The following TRPC1 variants were observed in gnomAD, a reference collection of about 807,000 sequenced individuals.
TRPC1 encodes the protein transient receptor potential cation channel subfamily C member 1, also known as short transient receptor potential channel 1.
A neutral mutation model predicts 88.2 loss-of-function variants in TRPC1; 42 were observed. The ratio of observed to expected loss-of-function variants is 0.48; its 90% confidence interval spans 0.37 to 0.62. TRPC1 has a LOEUF of 0.62. TRPC1 is among the 20% of genes least tolerant of loss of function. The pLI is 0.00. For synonymous variants in TRPC1, 288 were observed against 331.8 expected (o/e 0.87, Z 1.43); for missense variants, 699 against 957.3 (o/e 0.73, Z 3.56).
chr3:142,737,452 T>C (rs1167280327), intron 2 of TRPC1, among the ~76,000 whole-genome samples: 3 of 151,886 alleles, frequency 2.0e-5, no homozygotes, highest in South Asian at 2.1e-4. Context: ...CAGACCACAA[T>C]TGAGAAGCAG....
In TRPC1 at chr3:142,743,558, C is replaced by G. The variant is rs1394139257; in HGVS notation, c.401C>G (p.Pro134Arg). 1 of 1,524,376 alleles carries G rather than the reference C, an allele frequency of 6.6e-7. No homozygotes were observed. Among genetic ancestry groups the G allele is most frequent in the Non-Finnish European group, 8.8e-7 (1 of 1,142,040 alleles). 94.4% of individuals were successfully genotyped at this position (1,524,376 alleles called of 1,614,324 possible). Residue 134 changes from proline to arginine, a missense_variant, in exon 3 of 13, where the codon CCA becomes CGA. Physicochemically the swap from Pro to Arg is moderately radical, Grantham distance 103. This residue lies in a region of TRPC1 where 426 missense variants were observed against 641.3 expected (regional missense o/e 0.66). Coordinates refer to ENST00000476941, the MANE Select transcript of TRPC1 (RefSeq NM_001251845.2). Reference sequence around the variant, plus strand: ...GTTGATATACTACTTAATCATCGACCAAAACGATCATCAAGACCAACTATA... The same window carrying G: ...GTTGATATACTACTTAATCATCGACGAAAACGATCATCAAGACCAACTATA... ...GAVDILLNHR[P>R]KRSSRPTIVK...
At chr3:142,743,198 C>A (rs1436445139) in intron 2 of TRPC1, among the ~76,000 whole-genome samples, 3 of 151,980 alleles carry the variant, frequency 2.0e-5, no homozygotes, top group African/African-American at 7.2e-5. Flanking sequence ...AACTTTAAAT[C>A]CTGCATGGAT....
At chr3:142,802,960 G>C (rs1299997606) in intron 10 of TRPC1, among the ~76,000 whole-genome samples, 1 of 152,138 alleles carries the variant, frequency 6.6e-6, no homozygotes, top group Non-Finnish European at 1.5e-5. Context: ...CTTATGTAAA[G>C]AATAAGATTA....
At chr3:142,791,209 A>T in intron 8 of TRPC1, 51 bp downstream of exon 8, 1 of 1,504,200 alleles carries the variant, frequency 6.6e-7, no homozygotes, top group Non-Finnish European at 9.0e-7. Context: ...TATTTTGGAA[A>T]TAGCTAAGAT....
At chr3:142,765,062 A>G (rs1296232174) in intron 4 of TRPC1, among the ~76,000 whole-genome samples, 4 of 152,166 alleles carry the variant, frequency 2.6e-5, no homozygotes, top group African/African-American at 9.7e-5. Context: ...ATGCAGTCCC[A>G]TTTACAATAG....
At chr3:142,780,337 A>T (rs1353666157) in intron 5 of TRPC1, among the ~76,000 whole-genome samples, 1 of 152,220 alleles carries the variant, frequency 6.6e-6, no homozygotes, top group Non-Finnish European at 1.5e-5. Context: ...GAGCACTTTA[A>T]ATATGAATCA....
chr3:142,792,665 T>C lies in TRPC1; in HGVS notation c.1438-159T>C, dbSNP rs1936325815. ...ATAATAATATTTTATTTCATTAAAA[T>C]ATTATTTCTATTTTTAAAAAACCCT... On this transcript the variant is annotated intron_variant, in intron 8 of 12. Transcript: ENST00000476941. This position sits in a 1 kb window ranked among gnomAD's most constrained non-coding sequence, Gnocchi z 4.0. 6.6e-6 allele frequency among the ~76,000 whole-genome samples: 1 copy of C among 151,998 alleles called. No homozygotes were observed. Among genetic ancestry groups the C allele is most frequent in the Admixed American group, 6.6e-5 (1 of 15,252 alleles).
At chr3:142,799,689 C>CGA (rs1237450204) in intron 9 of TRPC1, among the ~76,000 whole-genome samples, 1 of 152,018 alleles carries the variant, frequency 6.6e-6, no homozygotes, top group Non-Finnish European at 1.5e-5. Context: ...TGCCTAGTTT[C>CGA]TCATGAGGCT....
intron 4 of TRPC1, among the ~76,000 whole-genome samples, chr3:142,752,668 G>A (rs1162933126): frequency 6.6e-5 from 10 of 152,154 alleles, no homozygotes; most frequent in African/African-American, 2.2e-4. Flanking sequence ...CTCATCCCAC[G>A]AGGCCATATT....
chr3:142,737,138 G>T (rs192231432), intron 2 of TRPC1, among the ~76,000 whole-genome samples: 1 of 151,966 alleles, frequency 6.6e-6, no homozygotes, highest in Admixed American at 6.6e-5. Context: ...TCAGTCTAGA[G>T]ATTCTGAAGG....
In TRPC1 at chr3:142,730,719, G is replaced by C. The variant is rs557088953; in HGVS notation, c.173-5660G>C. Among the ~76,000 whole-genome samples, 1,006 of 151,000 alleles carry C rather than the reference G, an allele frequency of 6.7e-3. 16 individuals carry two copies. Among genetic ancestry groups the C allele is most frequent in the African/African-American group, 0.023 (956 of 41,136 alleles). ...ATTTCCAGATCCAGCAACTGAACTT[G>C]ATCATGTCTTTTTATTTTTTCACAT... On this transcript the variant is annotated intron_variant, in intron 1 of 12. Coordinates refer to ENST00000476941, the MANE Select transcript of TRPC1 (RefSeq NM_001251845.2).
At position 142,806,027 on chromosome 3, in the gene TRPC1, A is replaced by C; in HGVS notation, c.2174A>C (p.Gln725Pro). ...NSLKEWRNLKQKRDENYQKVM... is the reference protein window; with the variant it reads ...NSLKEWRNLKPKRDENYQKVM... Reference sequence around the variant, plus strand: ...TTGAAGGAATGGAGGAATTTGAAACAGAAGAGAGATGAAAACTATCAAAAA... The same window carrying C: ...TTGAAGGAATGGAGGAATTTGAAACCGAAGAGAGATGAAAACTATCAAAAA... The change falls in exon 13 of 13, where the codon CAG becomes CCG. Residue 725 changes from glutamine to proline, a missense_variant. Gln to Pro is a moderately conservative substitution (Grantham distance 76, BLOSUM62 -1). Transcript: ENST00000476941. 1 of 1,613,518 alleles carries C rather than the reference A, an allele frequency of 6.2e-7. No individual in the cohort carries two copies. The highest frequency in any genetic ancestry group is 8.5e-7 in the Non-Finnish European group (1 of 1,179,666).
chr3:142,790,901 T>TG, intron 7 of TRPC1, 118 bp from the exon 8 acceptor site: 1 of 926,200 alleles, frequency 1.1e-6, no homozygotes, highest in East Asian at 3.3e-5. Context: ...GTTTTGTTTT[T>TG]TTTTCTTTTG....
chr3:142,733,391 A>G (rs960406003), intron 1 of TRPC1, among the ~76,000 whole-genome samples: 7 of 152,148 alleles, frequency 4.6e-5, no homozygotes, highest in African/African-American at 1.4e-4. Flanking sequence ...AGCTGCCTGT[A>G]ATCCCAGCTA....
At chr3:142,748,046 A>C (rs1934622341) in intron 3 of TRPC1, among the ~76,000 whole-genome samples, 1 of 152,122 alleles carries the variant, frequency 6.6e-6, no homozygotes, top group African/African-American at 2.4e-5. Flanking sequence ...CCTATTGAAG[A>C]TTTTGTCTGT....
intron 4 of TRPC1, among the ~76,000 whole-genome samples, chr3:142,766,048 CAG>C (rs1453074327): frequency 1.3e-5 from 2 of 150,876 alleles, no homozygotes; most frequent in African/African-American, 4.9e-5. Context: ...AAAAAAAAAA[CAG>C]ATGCTGGCAA....
chr3:142,741,921 G>T (rs1934365202), intron 2 of TRPC1, among the ~76,000 whole-genome samples: 1 of 152,178 alleles, frequency 6.6e-6, no homozygotes, highest in African/African-American at 2.4e-5. Context: ...CCAGCACTTT[G>T]AGAGGCCGAG....
At chr3:142,747,534 T>C (rs1033376954) in intron 3 of TRPC1, among the ~76,000 whole-genome samples, 4 of 152,174 alleles carry the variant, frequency 2.6e-5, no homozygotes, top group African/African-American at 9.7e-5. Flanking sequence ...CCAGCCACCC[T>C]GTTTGTGGCT....
intron 4 of TRPC1, among the ~76,000 whole-genome samples, chr3:142,754,896 TGGTATGAATCTCCAAAAAG>T (rs1934904449): frequency 6.6e-6 from 1 of 152,152 alleles, no homozygotes. Flanking sequence ...AATAACTGAA[TGGTATGAATCTCCAAAAAG>T]GGTGATTTTG....
Sources: gnomAD v4.1 joint callset for allele counts (sites outside exome capture counted in the v4.1 genomes callset) on GRCh38, gnomAD v4.1.1 for gene constraint, gnomAD v4.1.1 regional missense constraint, Gnocchi (gnomAD v3.1) non-coding constraint, MANE v1.5 for transcripts, NCBI Gene and HGNC (gene_info 2026-07-23, HGNC 2026-07-21) for gene names.